The following NME7 variants were observed in gnomAD, a reference collection of about 807,000 sequenced individuals.
NME7 encodes NME/NM23 family member 7.
A neutral mutation model predicts 49.1 loss-of-function variants in NME7; 41 were observed. The observed-to-expected ratio is 0.83, with a 90% CI of 0.65 to 1.08. The LOEUF is 1.08. NME7 is among the 50% of genes least tolerant of loss of function. The probability of loss-of-function intolerance (pLI) is 0.00; values close to 1 mark genes in which losing one functional copy is unlikely to be tolerated. For synonymous variants in NME7, 139 were observed against 150.6 expected (o/e 0.92, Z 0.56); for missense variants, 423 against 463.4 (o/e 0.91, Z 0.80).
chr1:169,151,435 C>T (rs1177578240), intron 11 of NME7, among the ~76,000 whole-genome samples: 1 of 152,132 alleles, frequency 6.6e-6, no homozygotes, highest in African/African-American at 2.4e-5. Context: ...CCCCAGCTGA[C>T]CACCATCCTC....
At chr1:169,320,675 T>G (rs1449809389) in intron 3 of NME7, among the ~76,000 whole-genome samples, 2 of 152,210 alleles carry the variant, frequency 1.3e-5, no homozygotes, top group African/African-American at 4.8e-5. Context: ...CCCAAATGGT[T>G]GTTGGATTTA....
Position 169,132,647 on chromosome 1 carries a change from C to A in NME7, c.*138G>T, listed in dbSNP as rs1557954998. On this transcript the variant is annotated 3_prime_UTR_variant, in exon 12 of 12. Transcript: ENST00000367811. ...CATGTTCTAACATATGTAATAATTGCCAGGAGTACAGTGCTCTTGTTGATC... is the reference window on the plus strand; with the variant it reads ...CATGTTCTAACATATGTAATAATTGACAGGAGTACAGTGCTCTTGTTGATC... 1.4e-6 allele frequency: 1 copy of A among 714,518 alleles called. No individual in the cohort carries two copies. The highest frequency in any genetic ancestry group is 2.3e-6 in the Non-Finnish European group (1 of 434,788). 44.3% of individuals were successfully genotyped at this position (714,518 alleles called of 1,614,324 possible). A position where few individuals can be genotyped will look rare whatever the true frequency, so the allele number is the denominator to read the frequency against.
rs1339223841 is a variant in NME7 at position 169,270,469 on chromosome 1, A to C, written c.754+16834T>G. On this transcript the variant is annotated intron_variant, in intron 7 of 11. Transcript: ENST00000367811. ...AGACCTAGGCTTTAACTGGGGAAAA[A>C]AATTAAAGCACTTTATTCCTTTAAC... Among the ~76,000 whole-genome samples the C allele has an allele frequency of 9.0e-5, 12 of 133,998 alleles. 5 individuals carry two copies. Among genetic ancestry groups the C allele is most frequent in the Non-Finnish European group, 2.1e-4 (12 of 57,028 alleles). The allele number at this position is 133,998 out of a possible 152,430, so 87.9% of individuals were successfully genotyped here.
chr1:169,298,643 A>G lies in NME7; in HGVS notation c.561T>C (p.Asp187=). ...GPANSGVART[D]ASESIRALFG... The stretch of plus-strand genomic sequence containing the variant: ...AGAGGGCTCTAATGCTTTCAGAAGC[A>G]TCTGTGCGTGCCACTCCAGAGTTTG... Residue 187 remains aspartate (D), a synonymous_variant, in exon 6 of 12, where the codon GAT becomes GAC. Transcript: ENST00000367811. 6.2e-7 allele frequency: 1 copy of G among 1,614,028 alleles called. No individual in the cohort carries two copies. The highest frequency in any genetic ancestry group is 8.5e-7 in the Non-Finnish European group (1 of 1,179,934).
At chr1:169,251,239 CT>C (rs554440643) in intron 7 of NME7, among the ~76,000 whole-genome samples, 2 of 151,814 alleles carry the variant, frequency 1.3e-5, no homozygotes, top group Non-Finnish European at 2.9e-5. Flanking sequence ...CCTTCTTTGT[CT>C]TTTTTTACTG....
At position 169,220,048 on chromosome 1, in the gene NME7, A is replaced by C. The variant is rs1274413842; in HGVS notation, c.990+10670T>G. ...AAGATTTTCACAAATCATGAGTTTG[A>C]ACACGGACTTACATTTCAGTTACGC... On this transcript the variant is annotated intron_variant, in intron 10 of 11. Transcript: ENST00000367811. Among the ~76,000 whole-genome samples, 6 of 152,264 alleles carry C rather than the reference A, an allele frequency of 3.9e-5. No homozygotes were observed. In the South Asian group the frequency reaches 6.2e-4, roughly 16 times the overall value.
intron 1 of NME7, among the ~76,000 whole-genome samples, chr1:169,328,889 T>G (rs746792111): frequency 1.8e-4 from 27 of 152,316 alleles, no homozygotes; most frequent in Non-Finnish European, 3.2e-4. Flanking sequence ...CCAAGACTTT[T>G]CAAATACATG....
At position 169,363,818 on chromosome 1, in the gene NME7, C is replaced by A. The variant is rs146067168; in HGVS notation, c.3+3890G>T. Among the ~76,000 whole-genome samples the A allele has an allele frequency of 2.6e-3, 391 of 152,284 alleles. 1 individual carries two copies. The highest frequency in any genetic ancestry group is 4.5e-3 in the Non-Finnish European group (307 of 68,020). ...CTTTCCACAGAGAGGCCTTCATTGACCACCTAATTTGAAAGAGCCCCAGCC... is the reference window on the plus strand; with the variant it reads ...CTTTCCACAGAGAGGCCTTCATTGAACACCTAATTTGAAAGAGCCCCAGCC... On this transcript the variant is annotated intron_variant, in intron 1 of 11. Transcript: ENST00000367811.
At chr1:169,335,526 G>C (rs1365469580) in intron 1 of NME7, among the ~76,000 whole-genome samples, 1 of 151,652 alleles carries the variant, frequency 6.6e-6, no homozygotes, top group African/African-American at 2.4e-5. Context: ...CATAGAGAGG[G>C]GAACAACACA....
intron 11 of NME7, among the ~76,000 whole-genome samples, chr1:169,150,237 T>C (rs1341252872): frequency 6.6e-6 from 1 of 152,186 alleles, no homozygotes; most frequent in Non-Finnish European, 1.5e-5. Context: ...TGTGTGTGCA[T>C]ATTAAGCCCA....
intron 7 of NME7, among the ~76,000 whole-genome samples, chr1:169,238,267 A>C (rs1647938743): frequency 6.6e-6 from 1 of 152,004 alleles, no homozygotes; most frequent in African/African-American, 2.4e-5. Flanking sequence ...ATAAAAAAGG[A>C]AAAGAGATTG....
At chr1:169,176,490 T>G (rs1051600352) in intron 10 of NME7, among the ~76,000 whole-genome samples, 17 of 152,238 alleles carry the variant, frequency 1.1e-4, no homozygotes, top group African/African-American at 3.9e-4. Flanking sequence ...AGATAAAAAA[T>G]AGCTGTAATG....
chr1:169,220,313 TATAA>T (rs1356673030), intron 10 of NME7, among the ~76,000 whole-genome samples: 1 of 152,240 alleles, frequency 6.6e-6, no homozygotes, highest in African/African-American at 2.4e-5. Context: ...TATAAGTGAA[TATAA>T]ATAAACTTTA....
At chr1:169,229,057 T>G (rs1375545613) in intron 10 of NME7, among the ~76,000 whole-genome samples, 6 of 152,236 alleles carry the variant, frequency 3.9e-5, no homozygotes, top group Non-Finnish European at 5.9e-5. Context: ...TTTGACCTAG[T>G]TGCATCAAAG....
rs767472138 is a variant in NME7 at position 169,309,956 on chromosome 1, G to T, written c.389+14C>A. On this transcript the variant is annotated intron_variant, in intron 4 of 11. Coordinates refer to ENST00000367811, the MANE Select transcript of NME7 (RefSeq NM_013330.5). ...AATCAGACATTACATAACTGAAAAT[G>T]ATAAAAAAATTACCTTGAAAGCATC... is the stretch of plus-strand genomic sequence containing the variant. 3.7e-6 allele frequency: 5 copies of T among 1,344,052 alleles called. No individual in the cohort carries two copies. Among genetic ancestry groups the T allele is most frequent in the Non-Finnish European group, 5.2e-6 (5 of 957,350 alleles). The allele number at this position is 1,344,052 out of a possible 1,614,324, so 83.3% of individuals were successfully genotyped here.
rs1653926717 is a variant in NME7, at chr1:169,367,595, C to A, written c.3+113G>T. 9.3e-6 allele frequency: 11 copies of A among 1,183,880 alleles called. No individual in the cohort carries two copies. In the South Asian group the frequency reaches 1.2e-4, roughly 13 times the overall value. The allele number at this position is 1,183,880 out of a possible 1,614,324, so 73.3% of individuals were successfully genotyped here. On this transcript the variant is annotated intron_variant, in intron 1 of 11. Coordinates refer to ENST00000367811, the MANE Select transcript of NME7 (RefSeq NM_013330.5). ...CCCGTGGGAAGGGGGAAAGAGATAA[C>A]GGGGAGAAGGTCGGGAGGACCGGAC...
rs189244348 is a variant in NME7 at position 169,268,912 on chromosome 1, A to C, written c.754+18391T>G. Among the ~76,000 whole-genome samples, 179 of 134,086 alleles carry C rather than the reference A, an allele frequency of 1.3e-3. 23 individuals carry two copies. Among genetic ancestry groups the C allele is most frequent in the African/African-American group, 4.2e-3 (167 of 39,720 alleles). The allele number at this position is 134,086 out of a possible 152,430, so 88.0% of individuals were successfully genotyped here. A position where few individuals can be genotyped will look rare whatever the true frequency, so the allele number is the denominator to read the frequency against. On this transcript the variant is annotated intron_variant, in intron 7 of 11. Transcript: ENST00000367811. ...CGAGTCAAGAGTTTGCCTACATAAC[A>C]AAACTGCACATGTACCCCTGAACCT...
At chr1:169,230,022 G>T (rs944771768) in intron 10 of NME7, among the ~76,000 whole-genome samples, 10 of 151,808 alleles carry the variant, frequency 6.6e-5, no homozygotes, top group African/African-American at 2.2e-4. Context: ...TGAATTGGCT[G>T]CTCATCTTCA....
chr1:169,326,001 T>G (rs1652046084), intron 1 of NME7, among the ~76,000 whole-genome samples: 1 of 151,984 alleles, frequency 6.6e-6, no homozygotes, highest in Non-Finnish European at 1.5e-5. Context: ...AAATAAAAAT[T>G]TAAATATTAG....
Sources: gnomAD v4.1 joint callset for allele counts (sites outside exome capture counted in the v4.1 genomes callset) on GRCh38, gnomAD v4.1.1 for gene constraint, MANE v1.5 for transcripts, NCBI Gene and HGNC (gene_info 2026-07-23, HGNC 2026-07-21) for gene names.